CSMD1: variants seen among roughly 807,000 people sequenced by gnomAD.
The protein encoded by CSMD1 is CUB and sushi domain-containing protein 1.
Under a neutral mutation model 417.5 loss-of-function variants are expected in CSMD1, and 213 were observed. That is an observed-to-expected ratio of 0.51 (90% CI 0.46 to 0.57). The LOEUF (loss-of-function observed/expected upper bound fraction) is 0.57. Among genes scored for constraint, CSMD1 ranks in the 20% least tolerant of loss-of-function variants. The probability of loss-of-function intolerance (pLI) is 0.00; values close to 1 mark genes in which losing one functional copy is unlikely to be tolerated. For missense variants in CSMD1, 6,923 were observed against 4,529.7 expected (o/e 1.53, Z -15.17); for synonymous variants, 2,862 against 1,736.8 (o/e 1.65, Z -16.11).
At chr8:3,523,422 C>G (rs774090644) in intron 10 of CSMD1, among the ~76,000 whole-genome samples, 29 of 152,188 alleles carry the variant, frequency 1.9e-4, no homozygotes, top group African/African-American at 6.5e-4. Flanking sequence ...GCGTTTGCAA[C>G]CTAGATGCAG....
chr8:4,102,590 C>G (rs79793240), intron 3 of CSMD1, among the ~76,000 whole-genome samples: 1 of 152,158 alleles, frequency 6.6e-6, no homozygotes, highest in East Asian at 1.9e-4. Context: ...ATAATTCAAT[C>G]TAATGTAACT....
chr8:3,528,161 A>G (rs1797831389), intron 10 of CSMD1, among the ~76,000 whole-genome samples: 1 of 152,214 alleles, frequency 6.6e-6, no homozygotes, highest in African/African-American at 2.4e-5. Context: ...ATTATTTTGC[A>G]TGGTTAACTC....
At chr8:2,946,480 T>G (rs1481445983) in intron 68 of CSMD1, among the ~76,000 whole-genome samples, 1 of 152,198 alleles carries the variant, frequency 6.6e-6, no homozygotes, top group African/African-American at 2.4e-5. Flanking sequence ...CTGTAATGGA[T>G]TCATAGACTA....
intron 3 of CSMD1, among the ~76,000 whole-genome samples, chr8:4,309,656 C>T (rs976645875): frequency 7.2e-5 from 11 of 152,186 alleles, no homozygotes; most frequent in African/African-American, 2.6e-4. Flanking sequence ...GAAATTAGAC[C>T]GTATTTGAGC....
intron 11 of CSMD1, among the ~76,000 whole-genome samples, chr8:3,488,875 T>C (rs997631469): frequency 2.6e-5 from 4 of 152,256 alleles, no homozygotes; most frequent in African/African-American, 9.6e-5. Flanking sequence ...TCCAGAGTTT[T>C]AAGAATCTTA....
intron 5 of CSMD1, among the ~76,000 whole-genome samples, chr8:3,911,679 A>G (rs1808477845): frequency 6.6e-6 from 1 of 152,048 alleles, no homozygotes; most frequent in African/African-American, 2.4e-5. Context: ...TGCTTGTCGG[A>G]GCTGCCATAA....
At chr8:4,175,200 A>C (rs1797976824) in intron 3 of CSMD1, among the ~76,000 whole-genome samples, 1 of 152,094 alleles carries the variant, frequency 6.6e-6, no homozygotes. Flanking sequence ...TACTGGGGAA[A>C]ATTGAGCTCA....
chr8:4,895,541 G>A (rs1198503297), intron 1 of CSMD1, among the ~76,000 whole-genome samples: 1 of 151,540 alleles, frequency 6.6e-6, no homozygotes, highest in Non-Finnish European at 1.5e-5. Flanking sequence ...GTCAAGGAGT[G>A]TTTTTACTGA....
At chr8:4,749,579 C>T (rs1042544789) in intron 1 of CSMD1, among the ~76,000 whole-genome samples, 1 of 152,168 alleles carries the variant, frequency 6.6e-6, no homozygotes, top group Admixed American at 6.5e-5. Flanking sequence ...AGGAAAATGT[C>T]AATGATCTTG....
chr8:3,015,728 G>T (rs572195341), intron 52 of CSMD1, among the ~76,000 whole-genome samples: 6 of 152,032 alleles, frequency 3.9e-5, no homozygotes, highest in Non-Finnish European at 8.8e-5. Flanking sequence ...CATTTAACTT[G>T]GTGGAAACCC....
At chr8:4,387,598 G>C (rs1376611254) in intron 3 of CSMD1, among the ~76,000 whole-genome samples, 1 of 45,666 alleles carries the variant, frequency 2.2e-5, no homozygotes, top group East Asian at 5.1e-4. Flanking sequence ...AAAAAGAGTT[G>C]AATGTTTGGA....
intron 2 of CSMD1, among the ~76,000 whole-genome samples, chr8:4,619,977 G>A (rs1446950158): frequency 6.6e-5 from 10 of 152,028 alleles, no homozygotes; most frequent in African/African-American, 2.4e-4. Flanking sequence ...AGTGTTACAT[G>A]AGGCATAATT....
chr8:3,071,187 T>G (rs6558711), intron 49 of CSMD1, among the ~76,000 whole-genome samples: 14,137 of 152,248 alleles, frequency 0.093, 858 homozygotes, highest in African/African-American at 0.17. Context: ...ACCTCCAGCA[T>G]TGGGCATTAC....
intron 5 of CSMD1, among the ~76,000 whole-genome samples, chr8:3,936,158 A>T (rs559192232): frequency 6.8e-5 from 10 of 148,120 alleles, no homozygotes; most frequent in African/African-American, 2.5e-4. Context: ...ATTTGAAGAT[A>T]CCAGATGTCA....
intron 1 of CSMD1, among the ~76,000 whole-genome samples, chr8:4,711,773 GT>G (rs1310327301): frequency 6.6e-6 from 1 of 151,996 alleles, no homozygotes; most frequent in East Asian, 1.9e-4. Flanking sequence ...GTTTGCTTTT[GT>G]TTTTTGTTTT....
intron 7 of CSMD1, among the ~76,000 whole-genome samples, chr8:3,671,550 T>C (rs1269647391): frequency 8.6e-4 from 12 of 13,996 alleles, no homozygotes; most frequent in African/African-American, 7.5e-3. Flanking sequence ...TATATGATCA[T>C]ATATATGATC....
chr8:4,850,736 A>G (rs756657985), intron 1 of CSMD1, among the ~76,000 whole-genome samples: 11 of 151,850 alleles, frequency 7.2e-5, no homozygotes, highest in Non-Finnish European at 1.0e-4. Flanking sequence ...GTGTGCACTC[A>G]TTGTTCCAGT....
intron 3 of CSMD1, among the ~76,000 whole-genome samples, chr8:4,386,691 T>C (rs963213683): frequency 1.3e-5 from 2 of 152,188 alleles, no homozygotes; most frequent in African/African-American, 2.4e-5. Flanking sequence ...GCAGAATGTA[T>C]TGCAGACAAG....
At chr8:3,406,671 T>A (rs759796432) in intron 14 of CSMD1, among the ~76,000 whole-genome samples, 2 of 152,194 alleles carry the variant, frequency 1.3e-5, no homozygotes, top group Non-Finnish European at 2.9e-5. Flanking sequence ...TTATATCCTC[T>A]AGTTACTATA....
Sources: gnomAD v4.1 joint callset for allele counts (sites outside exome capture counted in the v4.1 genomes callset) on GRCh38, gnomAD v4.1.1 for gene constraint, MANE v1.5 for transcripts, NCBI Gene and HGNC (gene_info 2026-07-23, HGNC 2026-07-21) for gene names.